Variants in TCERG1L observed in about 807,000 individuals in gnomAD.
The protein encoded by TCERG1L is transcription elongation regulator 1 like.
TCERG1L carries 37 observed loss-of-function variants against 56.3 expected under a neutral mutation model. That is an observed-to-expected ratio of 0.66 (90% CI 0.51 to 0.87). TCERG1L has a LOEUF of 0.87. Ranked by LOEUF, TCERG1L falls within the 40% of genes least tolerant of loss-of-function variation. TCERG1L has a pLI of 0.00. For missense variants in TCERG1L, 799 were observed against 774.2 expected (o/e 1.03, Z -0.38); for synonymous variants, 324 against 326.3 (o/e 0.99, Z 0.08).
rs2133381718 is a variant in TCERG1L, at chr10:131,103,829, A to C, written c.1485+436T>G. 6.6e-6 allele frequency among the ~76,000 whole-genome samples: 1 copy of C among 152,298 alleles called. No homozygotes were observed. ...ATGGCCTTCCTCCATTCTATTTGTTAGGGGTTTCTTAACATTAGTGACTTC... is the reference window on the plus strand; with the variant it reads ...ATGGCCTTCCTCCATTCTATTTGTTCGGGGTTTCTTAACATTAGTGACTTC... On this transcript the variant is annotated intron_variant, in intron 10 of 11. Transcript: ENST00000368642. This position sits in a 1 kb window ranked among gnomAD's most constrained non-coding sequence, Gnocchi z 4.3.
intron 3 of TCERG1L, among the ~76,000 whole-genome samples, chr10:131,287,879 T>C (rs1846563291): frequency 6.6e-6 from 1 of 152,200 alleles, no homozygotes; most frequent in Admixed American, 6.5e-5. Flanking sequence ...TGACAGGCCA[T>C]TTTGAACCCG....
At chr10:131,149,260 C>T (rs1334498255) in intron 6 of TCERG1L, among the ~76,000 whole-genome samples, 2 of 142,582 alleles carry the variant, frequency 1.4e-5, no homozygotes, top group South Asian at 2.2e-4. Context: ...TGGGGTGCTG[C>T]CCAGGCCCAT....
At chr10:131,129,703 G>A (rs777305704) in intron 8 of TCERG1L, among the ~76,000 whole-genome samples, 3 of 152,094 alleles carry the variant, frequency 2.0e-5, no homozygotes, top group Non-Finnish European at 4.4e-5. Flanking sequence ...CGTCTCCTGG[G>A]ACCTTTTGAA....
In TCERG1L at chr10:131,260,452, A is replaced by G; in HGVS notation, c.671-8T>C. 7.2e-7 allele frequency: 1 copy of G among 1,388,032 alleles called. No individual in the cohort carries two copies. The highest frequency in any genetic ancestry group is 1.7e-5 in the South Asian group (1 of 57,728). 86.0% of individuals were successfully genotyped at this position (1,388,032 alleles called of 1,614,324 possible). A position where few individuals can be genotyped will look rare whatever the true frequency, so the allele number is the denominator to read the frequency against. On this transcript the variant is annotated splice_polypyrimidine_tract_variant and splice_region_variant and intron_variant, in intron 3 of 11. Transcript: ENST00000368642. The surrounding 1 kb of genome is among the most constrained non-coding windows in gnomAD (Gnocchi z 5.8). ...GGCTGTTATGGCAGCCACCTGCGGA[A>G]GAGGGATGCAGAGGGTCAGCAAGGG...
chr10:131,311,507 C>T lies in TCERG1L; in HGVS notation c.129G>A (p.Val43=). The change falls in exon 1 of 12, where the codon GTG becomes GTA. Residue 43 remains valine (V), a synonymous_variant. Transcript: ENST00000368642. This position sits in a 1 kb window ranked among gnomAD's most constrained non-coding sequence, Gnocchi z 4.0. ...GCCGGAGCAGCCCGGCCGAGCCCGG[C>T]ACCATCCAGACCCAGGGCGGCGGCG... ...PPPPPPWVWM[V]PGSAGLLRLS... is the part of the protein sequence containing the mutation. The T allele has an allele frequency of 8.3e-7, 1 of 1,210,532 alleles. No individual in the cohort carries two copies. Among genetic ancestry groups the T allele is most frequent in the East Asian group, 3.8e-5 (1 of 26,254 alleles). 75.0% of individuals were successfully genotyped at this position (1,210,532 alleles called of 1,614,324 possible). A position where few individuals can be genotyped will look rare whatever the true frequency, so the allele number is the denominator to read the frequency against.
intron 3 of TCERG1L, among the ~76,000 whole-genome samples, chr10:131,289,340 A>AAAGC (rs10523153): frequency 6.6e-6 from 1 of 151,642 alleles, no homozygotes; most frequent in Non-Finnish European, 1.5e-5. Flanking sequence ...TCTGATTATA[A>AAAGC]AATACAGACT....
intron 6 of TCERG1L, among the ~76,000 whole-genome samples, chr10:131,157,533 A>G (rs1201496136): frequency 2.0e-5 from 3 of 152,180 alleles, no homozygotes; most frequent in East Asian, 3.8e-4. Context: ...TTTATTGTGA[A>G]TAAGTGGGAG....
At chr10:131,134,758 C>T (rs957802670) in intron 7 of TCERG1L, among the ~76,000 whole-genome samples, 1 of 152,138 alleles carries the variant, frequency 6.6e-6, no homozygotes. Flanking sequence ...AGCCTCAAGA[C>T]GAGGCCTGGG....
chr10:131,255,236 G>T (rs1846154632), intron 4 of TCERG1L, among the ~76,000 whole-genome samples: 1 of 152,190 alleles, frequency 6.6e-6, no homozygotes, highest in South Asian at 2.1e-4. Context: ...AACAAATGCT[G>T]CACAAAAGTG....
chr10:131,202,936 T>C (rs1172890802), intron 4 of TCERG1L, among the ~76,000 whole-genome samples: 1 of 152,220 alleles, frequency 6.6e-6, no homozygotes, highest in African/African-American at 2.4e-5. Context: ...TCAGTTTTGA[T>C]TGCTTCATGA....
At chr10:131,249,070 T>C (rs978054119) in intron 4 of TCERG1L, among the ~76,000 whole-genome samples, 6 of 152,192 alleles carry the variant, frequency 3.9e-5, no homozygotes, top group African/African-American at 1.4e-4. Context: ...TCACGCTCAC[T>C]TGTAAACAGC....
intron 4 of TCERG1L, among the ~76,000 whole-genome samples, chr10:131,234,366 A>AT (rs1845889886): frequency 6.6e-6 from 1 of 152,288 alleles, no homozygotes; most frequent in South Asian, 2.1e-4. Context: ...TACAAATAAT[A>AT]TTTTTTTCAA....
intron 4 of TCERG1L, among the ~76,000 whole-genome samples, chr10:131,232,298 C>T (rs373585342): frequency 6.6e-6 from 1 of 152,244 alleles, no homozygotes; most frequent in South Asian, 2.1e-4. Context: ...AGCCAGGCAA[C>T]CCCTGAGCTG....
At chr10:131,261,031 G>C (rs1190305623) in intron 3 of TCERG1L, among the ~76,000 whole-genome samples, 1 of 152,110 alleles carries the variant, frequency 6.6e-6, no homozygotes, top group African/African-American at 2.4e-5. Context: ...ACCAGGCTCA[G>C]CTGGGCCCTG....
chr10:131,193,665 T>C (rs1845328141), intron 4 of TCERG1L, among the ~76,000 whole-genome samples: 1 of 152,232 alleles, frequency 6.6e-6, no homozygotes, highest in Non-Finnish European at 1.5e-5. Flanking sequence ...TCTGGCCTTA[T>C]TTCTGGCTTC....
chr10:131,201,549 C>T (rs112930880), intron 4 of TCERG1L, among the ~76,000 whole-genome samples: 6,415 of 152,230 alleles, frequency 0.042, 173 homozygotes, highest in Middle Eastern at 0.065. Flanking sequence ...TTTTAACAAA[C>T]GCCACAATCT....
rs573160497 is a variant in TCERG1L at position 131,182,153 on chromosome 10, G to T, written c.857-15268C>A. 4.6e-5 allele frequency among the ~76,000 whole-genome samples: 7 copies of T among 152,342 alleles called. No individual in the cohort carries two copies. The South Asian group carries it at 1.0e-3, about 23-fold the overall frequency. On this transcript the variant is annotated intron_variant, in intron 4 of 11. Coordinates refer to ENST00000368642, the MANE Select transcript of TCERG1L (RefSeq NM_174937.4). ...GACGTGTGTGTATGAGCATGTGTGTGCATGTGTATATCAAATATGCAGGTC... is the reference window on the plus strand; with the variant it reads ...GACGTGTGTGTATGAGCATGTGTGTTCATGTGTATATCAAATATGCAGGTC...
chr10:131,175,498 C>T (rs1461711186), intron 4 of TCERG1L, among the ~76,000 whole-genome samples: 1 of 152,226 alleles, frequency 6.6e-6, no homozygotes, highest in Non-Finnish European at 1.5e-5. Flanking sequence ...AAGCTGACAC[C>T]CGAGCACCAG....
At chr10:131,170,514 T>TGCTCCCCA (rs1846078677) in intron 4 of TCERG1L, among the ~76,000 whole-genome samples, 2 of 151,680 alleles carry the variant, frequency 1.3e-5, no homozygotes, top group South Asian at 4.2e-4. Flanking sequence ...AGATGTGAAG[T>TGCTCCCCA]GCTCCCCAGC....
Sources: gnomAD v4.1 joint callset for allele counts (sites outside exome capture counted in the v4.1 genomes callset) on GRCh38, gnomAD v4.1.1 for gene constraint, Gnocchi (gnomAD v3.1) non-coding constraint, MANE v1.5 for transcripts, NCBI Gene and HGNC (gene_info 2026-07-23, HGNC 2026-07-21) for gene names.